Variants in STOML3 observed in about 807,000 individuals in gnomAD.
STOML3 encodes stomatin like 3.
Under a neutral mutation model 29.5 loss-of-function variants are expected in STOML3, and 31 were observed. The observed-to-expected ratio is 1.05, with a 90% CI of 0.79 to 1.42. STOML3 has a LOEUF of 1.42. STOML3 is among the 40% of genes most tolerant of loss of function. The pLI, the probability that STOML3 is intolerant of heterozygous loss-of-function variation, is 0.00. For synonymous variants in STOML3, 122 were observed against 139.8 expected (o/e 0.87, Z 0.90); for missense variants, 380 against 363.0 (o/e 1.05, Z -0.38).
rs34691714 is a variant in STOML3 at position 38,973,239 on chromosome 13, G to A, written c.230-645C>T. On this transcript the variant is annotated intron_variant, in intron 3 of 6. Transcript: ENST00000379631. ...AAAGGTTGCAGTGAGCCAAGATCGT[G>A]CCACTGCACTCCAGCCTGGGCAACA... is the stretch of plus-strand genomic sequence containing the variant. 6.1e-3 allele frequency among the ~76,000 whole-genome samples: 925 copies of A among 151,484 alleles called. 12 individuals carry two copies. Among genetic ancestry groups the A allele is most frequent in the African/African-American group, 0.022 (895 of 41,246 alleles).
chr13:38,974,853 C>A (rs1460971791), intron 3 of STOML3, among the ~76,000 whole-genome samples: 1 of 152,040 alleles, frequency 6.6e-6, no homozygotes, highest in Non-Finnish European at 1.5e-5. Flanking sequence ...TCTCTTGGAT[C>A]CAATTTTATT....
chr13:38,966,956 A>G lies in STOML3; in HGVS notation c.745T>C (p.Tyr249His), dbSNP rs756746197. The change falls in exon 7 of 7, where the codon TAC becomes CAC. Residue 249 changes from tyrosine (Y) to histidine (H), a missense_variant. Tyr to His is a moderately conservative substitution (Grantham distance 83, BLOSUM62 2). Coordinates refer to ENST00000379631, the MANE Select transcript of STOML3 (RefSeq NM_145286.3). The part of the protein sequence containing the change: ...AESPIALQLR[Y>H]LQTLSTVATE... ...GCTACCGTGCTCAAGGTCTGCAGGT[A>G]GCGCAGCTGGAGAGCTATGGGAGAC... The G allele has an allele frequency of 6.8e-6, 11 of 1,614,124 alleles. No homozygotes were observed. The South Asian group carries it at 1.1e-4, about 16-fold the overall frequency.
intron 1 of STOML3, among the ~76,000 whole-genome samples, chr13:38,988,276 T>A (rs1282741942): frequency 3.6e-5 from 3 of 82,286 alleles, no homozygotes. Context: ...ATATTATATA[T>A]AAAATATATT....
chr13:38,978,334 A>G (rs542108516), intron 1 of STOML3, among the ~76,000 whole-genome samples: 3 of 151,750 alleles, frequency 2.0e-5, no homozygotes, highest in African/African-American at 7.3e-5. Context: ...TTGTATTTTT[A>G]GTAGAGACGG....
At chr13:38,984,673 T>C (rs1593507560) in intron 1 of STOML3, among the ~76,000 whole-genome samples, 2 of 152,324 alleles carry the variant, frequency 1.3e-5, no homozygotes, top group Non-Finnish European at 1.5e-5. Flanking sequence ...CTGAAGTTTC[T>C]GTAGGTACAC....
chr13:38,976,659 A>T (rs1340317744), intron 2 of STOML3, 35 bp downstream of exon 2: 1 of 1,614,028 alleles, frequency 6.2e-7, no homozygotes. Flanking sequence ...TTGTCAGTTC[A>T]TATAGATAGC....
chr13:38,968,454 C>T lies in STOML3; in HGVS notation c.597G>A (p.Gln199=). 1 of 1,614,174 alleles carries T rather than the reference C, an allele frequency of 6.2e-7. No homozygotes were observed. Among genetic ancestry groups the T allele is most frequent in the Non-Finnish European group, 8.5e-7 (1 of 1,180,024 alleles). Residue 199 remains glutamine (Q), a synonymous_variant, in exon 6 of 7, where the codon CAG becomes CAA. Coordinates refer to ENST00000379631, the MANE Select transcript of STOML3 (RefSeq NM_145286.3). ...CCTCGGCTGCCATGGATCTCTGCAA[C>T]TGCACGGGAATCCGAACATCTTTGA... ...VEIKDVRIPV[Q]LQRSMAAEAE...
Position 38,990,679 on chromosome 13 carries a change from T to C in STOML3, c.43A>G (p.Asn15Asp). Residue 15 changes from asparagine (N) to aspartate (D), a missense_variant, in exon 1 of 7, where the codon AAT (asparagine) becomes GAT (aspartate). By Grantham distance (23) the Asn-to-Asp change is conservative (BLOSUM62 1). Coordinates refer to ENST00000379631, the MANE Select transcript of STOML3 (RefSeq NM_145286.3). ...GGAAAAAGGAACTTACCCACGAAAT[T>C]CTCTTTATCTTGCTTCTCAGGTGAA... is the stretch of plus-strand genomic sequence containing the variant. The part of the protein sequence containing the change: ...VSSPEKQDKE[N>D]FVGVNNKRLG... The C allele has an allele frequency of 6.2e-7, 1 of 1,613,906 alleles. No homozygotes were observed. The highest frequency in any genetic ancestry group is 2.2e-5 in the East Asian group (1 of 44,852).
intron 4 of STOML3, among the ~76,000 whole-genome samples, chr13:38,971,767 A>G (rs1880876332): frequency 6.6e-6 from 1 of 152,124 alleles, no homozygotes; most frequent in Non-Finnish European, 1.5e-5. Context: ...TCCACTAAAA[A>G]TACAAAAATT....
intron 1 of STOML3, among the ~76,000 whole-genome samples, chr13:38,987,914 T>C (rs1264749772): frequency 4.2e-4 from 30 of 71,900 alleles, no homozygotes; most frequent in Non-Finnish European, 4.2e-4. Flanking sequence ...TATAATATAT[T>C]ATATTTTATA....
intron 6 of STOML3, among the ~76,000 whole-genome samples, chr13:38,967,989 A>G (rs9576664): frequency 0.35 from 50,273 of 145,272 alleles, 8,873 homozygotes; most frequent in East Asian, 0.55. Flanking sequence ...GACAGGTTCC[A>G]TGTTGGCTAC....
chr13:38,987,843 TATATA>T (rs1208167448), intron 1 of STOML3, among the ~76,000 whole-genome samples: 2 of 100,370 alleles, frequency 2.0e-5, no homozygotes, highest in Non-Finnish European at 3.5e-5. Context: ...TATTATATTT[TATATA>T]ATATATTATA....
chr13:38,976,042 G>A (rs1881063087), intron 3 of STOML3, among the ~76,000 whole-genome samples: 3 of 152,064 alleles, frequency 2.0e-5, no homozygotes, highest in Non-Finnish European at 4.4e-5. Flanking sequence ...TTGGCCAAAG[G>A]CGCCGTACAA....
At chr13:38,987,470 C>G (rs775702578) in intron 1 of STOML3, among the ~76,000 whole-genome samples, 1 of 151,536 alleles carries the variant, frequency 6.6e-6, no homozygotes, top group East Asian at 1.9e-4. Flanking sequence ...CTAGCCTGGG[C>G]GACAGAGCAA....
At chr13:38,988,789 T>C (rs2138032587) in intron 1 of STOML3, among the ~76,000 whole-genome samples, 1 of 143,092 alleles carries the variant, frequency 7.0e-6, no homozygotes, top group Admixed American at 7.5e-5. Flanking sequence ...AAGTACATAT[T>C]ACAAGTTATA....
intron 5 of STOML3, among the ~76,000 whole-genome samples, chr13:38,968,923 T>A (rs7328923): frequency 0.84 from 127,419 of 152,080 alleles, 53,822 homozygotes; most frequent in East Asian, 0.96. Flanking sequence ...TGGATTTTGC[T>A]TTGGCTCTGC....
intron 1 of STOML3, among the ~76,000 whole-genome samples, chr13:38,981,317 T>A (rs1881260764): frequency 6.6e-6 from 1 of 152,106 alleles, no homozygotes. Context: ...TTATTCCTGG[T>A]GCTTAGATAC....
At chr13:38,987,997 T>G (rs1408474262) in intron 1 of STOML3, among the ~76,000 whole-genome samples, 7 of 106,132 alleles carry the variant, frequency 6.6e-5, no homozygotes, top group Non-Finnish European at 1.2e-4. Flanking sequence ...TATATTATAT[T>G]TTATATCATA....
chr13:38,988,778 T>A (rs1174960999), intron 1 of STOML3, among the ~76,000 whole-genome samples: 1 of 142,918 alleles, frequency 7.0e-6, no homozygotes, highest in South Asian at 2.1e-4. Context: ...CAAGTATTCA[T>A]AAGTACATAT....
Sources: gnomAD v4.1 joint callset for allele counts (sites outside exome capture counted in the v4.1 genomes callset) on GRCh38, gnomAD v4.1.1 for gene constraint, MANE v1.5 for transcripts, NCBI Gene and HGNC (gene_info 2026-07-23, HGNC 2026-07-21) for gene names.